Variants in TBC1D5 observed in about 807,000 individuals in gnomAD.
The protein encoded by TBC1D5 is TBC1 domain family member 5, also known as TBC1 domain family, member 5.
TBC1D5 carries 75 observed loss-of-function variants against 100.3 expected under a neutral mutation model. The ratio of observed to expected loss-of-function variants is 0.75; its 90% CI spans 0.62 to 0.91. The LOEUF (loss-of-function observed/expected upper bound fraction) is 0.91, where lower values mean the gene tolerates loss of function less well. Among genes scored for constraint, TBC1D5 ranks in the 40% least tolerant of loss-of-function variants. TBC1D5 has a pLI of 0.00. For synonymous variants in TBC1D5, 323 were observed against 325.6 expected, an observed-to-expected ratio of 0.99 and a Z score of 0.09; for missense variants, 910 against 942.4, an observed-to-expected ratio of 0.97 and a Z score of 0.45.
rs1008307200 is a variant in TBC1D5, at chr3:17,248,005, T to C, written c.1332-9586A>G. 5.4e-5 allele frequency among the ~76,000 whole-genome samples: 8 copies of C among 149,488 alleles called. No individual in the cohort carries two copies. In the East Asian group the frequency reaches 1.4e-3, roughly 26 times the overall value. On this transcript the variant is annotated intron_variant, in intron 16 of 21. Coordinates refer to ENST00000253692, the Ensembl canonical transcript of TBC1D5. ...CTCCACTAATTTTTTTTTTTTTTTT[T>C]CTTCTAAACAGAGTCTCGCTCTGTC...
Position 17,217,382 on chromosome 3 carries a change from C to T in TBC1D5, c.1589-3012G>A, listed in dbSNP as rs567592682. Among the ~76,000 whole-genome samples the T allele has an allele frequency of 7.2e-5, 11 of 152,140 alleles. No individual in the cohort carries two copies. The East Asian group carries it at 1.9e-3, about 27-fold the overall frequency. Reference sequence around the variant, plus strand: ...GGACATATTGTTTCCCTTTGTCTCACGTAGATATCTAGAAGTGGAACTGGT... The same window carrying T: ...GGACATATTGTTTCCCTTTGTCTCATGTAGATATCTAGAAGTGGAACTGGT... On this transcript the variant is annotated intron_variant, in intron 17 of 21. Transcript: ENST00000253692.
In TBC1D5 at chr3:17,559,832, G is replaced by A. The variant is rs183062465; in HGVS notation, c.-35-51227C>T. On this transcript the variant is annotated intron_variant, in intron 2 of 21. Coordinates refer to ENST00000253692, the Ensembl canonical transcript of TBC1D5. Reference sequence around the variant, plus strand: ...TCTCGAACTCCTGACTTCATGATCCGCCCATCTCAGCCTCTCAAAGTGCTG... The same window carrying A: ...TCTCGAACTCCTGACTTCATGATCCACCCATCTCAGCCTCTCAAAGTGCTG... Among the ~76,000 whole-genome samples, 548 of 151,704 alleles carry A rather than the reference G, an allele frequency of 3.6e-3. 4 individuals carry two copies. Among genetic ancestry groups the A allele is most frequent in the African/African-American group, 0.012 (514 of 41,392 alleles).
chr3:17,537,664 T>C (rs1475936978), intron 2 of TBC1D5, among the ~76,000 whole-genome samples: 1 of 152,224 alleles, frequency 6.6e-6, no homozygotes, highest in African/African-American at 2.4e-5. Flanking sequence ...ATATAGAATT[T>C]GTCTTTTTGT....
chr3:17,384,211 A>T (rs143815255), intron 8 of TBC1D5, among the ~76,000 whole-genome samples, 196 bp from the exon 9 acceptor site: 2 of 152,090 alleles, frequency 1.3e-5, no homozygotes, highest in Non-Finnish European at 2.9e-5. Flanking sequence ...GAGGTAAATT[A>T]CATCCTTCAA....
intron 3 of TBC1D5, among the ~76,000 whole-genome samples, chr3:17,441,571 T>C (rs570920544): frequency 1.3e-5 from 2 of 152,250 alleles, no homozygotes; most frequent in South Asian, 2.1e-4. Flanking sequence ...CAGAGTACTA[T>C]GAGATGAGGA....
intron 16 of TBC1D5, among the ~76,000 whole-genome samples, chr3:17,251,669 T>C (rs1383878133): frequency 2.0e-5 from 3 of 152,204 alleles, no homozygotes; most frequent in African/African-American, 4.8e-5. Context: ...ATTAAGTCTT[T>C]AAAAGCAACT....
rs967875578 is a variant in TBC1D5 at position 17,544,022 on chromosome 3, C to A, written c.-35-35417G>T. ...AGCTAAGACTATAGGCACGCACCACCATGCCCAGCTAATTTTTGTATTTTT... is the reference window on the plus strand; with the variant it reads ...AGCTAAGACTATAGGCACGCACCACAATGCCCAGCTAATTTTTGTATTTTT... On this transcript the variant is annotated intron_variant, in intron 2 of 21. Coordinates refer to ENST00000253692, the Ensembl canonical transcript of TBC1D5. Among the ~76,000 whole-genome samples, 8 of 152,124 alleles carry A rather than the reference C, an allele frequency of 5.3e-5. No homozygotes were observed. The East Asian group carries it at 1.6e-3, about 30-fold the overall frequency.
chr3:17,209,058 G>A (rs1190690126), intron 18 of TBC1D5, among the ~76,000 whole-genome samples: 1 of 152,074 alleles, frequency 6.6e-6, no homozygotes, highest in Non-Finnish European at 1.5e-5. Context: ...CCCACAACCC[G>A]ACCCTCCACT....
intron 3 of TBC1D5, among the ~76,000 whole-genome samples, chr3:17,472,041 A>G (rs1054075221): frequency 6.6e-6 from 1 of 152,156 alleles, no homozygotes; most frequent in African/African-American, 2.4e-5. Flanking sequence ...AAGTTTTTCA[A>G]TGTTCATCTC....
chr3:17,308,207 CTG>C (rs1445950764), intron 13 of TBC1D5, 73 bp from the exon 14 acceptor site: 4 of 1,400,356 alleles, frequency 2.9e-6, no homozygotes, highest in Non-Finnish European at 3.8e-6. Context: ...TCTCAAGTAA[CTG>C]TGAAAAACTA....
chr3:17,204,532 C>T (rs910600557), intron 18 of TBC1D5, among the ~76,000 whole-genome samples: 7 of 152,100 alleles, frequency 4.6e-5, no homozygotes, highest in African/African-American at 1.7e-4. Flanking sequence ...CTATGCCTCC[C>T]GGGCAGTATT....
intron 3 of TBC1D5, among the ~76,000 whole-genome samples, chr3:17,481,127 G>A (rs183438584): frequency 2.0e-5 from 3 of 152,226 alleles, no homozygotes; most frequent in East Asian, 3.9e-4. Context: ...TGTTCCCCTC[G>A]TCCAGATGTG....
chr3:17,535,883 C>T (rs921494197), intron 2 of TBC1D5, among the ~76,000 whole-genome samples: 1 of 151,548 alleles, frequency 6.6e-6, no homozygotes. Flanking sequence ...AACATTATGG[C>T]AATTACCAAA....
chr3:17,738,288 AT>A (rs1421738292), intron 1 of TBC1D5, among the ~76,000 whole-genome samples: 1 of 152,184 alleles, frequency 6.6e-6, no homozygotes, highest in African/African-American at 2.4e-5. Context: ...GTCAGTCTTG[AT>A]TATATAGATA....
chr3:17,158,434 CTG>C (rs1559315314), exon 22 of TBC1D5: 1 of 152,290 alleles, frequency 6.6e-6, no homozygotes, highest in East Asian at 1.9e-4. Context: ...TTTAATAGCA[CTG>C]TAACTAATAA....
chr3:17,605,315 C>G (rs139622309), intron 2 of TBC1D5, among the ~76,000 whole-genome samples: 41 of 152,164 alleles, frequency 2.7e-4, no homozygotes, highest in African/African-American at 6.0e-4. Flanking sequence ...CAAACACAAG[C>G]AAATTTATAA....
At chr3:17,591,254 A>G (rs1383674906) in intron 2 of TBC1D5, among the ~76,000 whole-genome samples, 2 of 132,934 alleles carry the variant, frequency 1.5e-5, no homozygotes, top group Admixed American at 1.5e-4. Flanking sequence ...AAAAAAAAAA[A>G]AAAAAAAAAA....
chr3:17,623,564 C>G (rs1248897747), intron 2 of TBC1D5, among the ~76,000 whole-genome samples: 1 of 152,164 alleles, frequency 6.6e-6, no homozygotes, highest in East Asian at 1.9e-4. Context: ...TAGTCTAAAT[C>G]TTCGTTCTAC....
At chr3:17,709,887 G>C (rs2074549626) in intron 1 of TBC1D5, among the ~76,000 whole-genome samples, 1 of 151,984 alleles carries the variant, frequency 6.6e-6, no homozygotes, top group Non-Finnish European at 1.5e-5. Flanking sequence ...ACCCAGGCAG[G>C]CTACTCCTTC....
Sources: gnomAD v4.1 joint callset for allele counts (sites outside exome capture counted in the v4.1 genomes callset) on GRCh38, gnomAD v4.1.1 for gene constraint, MANE v1.5 for transcripts, NCBI Gene and HGNC (gene_info 2026-07-23, HGNC 2026-07-21) for gene names.